Variants in PSPC1 observed in about 807,000 individuals in gnomAD.
PSPC1 encodes the protein paraspeckle protein 1.
In PSPC1, 14 loss-of-function variants were observed where a neutral mutation model predicts 51.6. The ratio of observed to expected loss-of-function variants is 0.27; its 90% CI spans 0.18 to 0.42. The LOEUF (loss-of-function observed/expected upper bound fraction) is 0.42, where lower values mean the gene tolerates loss of function less well. PSPC1 is among the 10% of genes least tolerant of loss of function. PSPC1 has a pLI of 1.00. For synonymous variants in PSPC1, 193 were observed against 231.9 expected, an observed-to-expected ratio of 0.83 and a Z score of 1.53; for missense variants, 406 against 701.1, an observed-to-expected ratio of 0.58 and a Z score of 4.75.
At chr13:19,725,627 CAA>C (rs34360156) in intron 6 of PSPC1, among the ~76,000 whole-genome samples, 1 of 151,554 alleles carries the variant, frequency 6.6e-6, no homozygotes, top group African/African-American at 2.4e-5. Context: ...ACAAAACAAA[CAA>C]AAAAAAGTGT....
intron 6 of PSPC1, among the ~76,000 whole-genome samples, chr13:19,713,526 T>TCTC (rs1346249675): frequency 1.9e-5 from 2 of 105,492 alleles, no homozygotes; most frequent in Non-Finnish European, 3.5e-5. Flanking sequence ...TTCCAACATA[T>TCTC]CTCCATGTCC....
chr13:19,768,374 G>A lies in PSPC1; in HGVS notation c.674+3868C>T, dbSNP rs150889293. Among the ~76,000 whole-genome samples the A allele has an allele frequency of 5.0e-3, 766 of 152,236 alleles. 8 individuals are homozygous for A. Among genetic ancestry groups the A allele is most frequent in the African/African-American group, 0.018 (739 of 41,558 alleles). ...TAAAAATAACAAGCAGGGGACGGGC[G>A]TGGTGGCTCACGCCTGTAATCCCAG... On this transcript the variant is annotated intron_variant, in intron 2 of 8. Coordinates refer to ENST00000338910, the MANE Select transcript of PSPC1 (RefSeq NM_001354909.2).
Position 19,782,941 on chromosome 13 carries a change from A to C in PSPC1, c.-184T>G. The C allele has an allele frequency of 1.8e-6, 1 of 557,640 alleles. No homozygotes were observed. The allele number at this position is 557,640 out of a possible 1,614,324, so 34.5% of individuals were successfully genotyped here. A position where few individuals can be genotyped will look rare whatever the true frequency, so the allele number is the denominator to read the frequency against. ...CGCCCGCTGCAGCTGCACATTCAAA[A>C]TGGCGCTGCCACAAACTGCAGTTAG... On this transcript the variant is annotated 5_prime_UTR_variant, in exon 1 of 9. Coordinates refer to ENST00000338910, the MANE Select transcript of PSPC1 (RefSeq NM_001354909.2). This position sits in a 1 kb window ranked among gnomAD's most constrained non-coding sequence, Gnocchi z 4.5.
chr13:19,738,596 T>C (rs2138011461), intron 5 of PSPC1, among the ~76,000 whole-genome samples: 1 of 152,326 alleles, frequency 6.6e-6, no homozygotes, highest in East Asian at 1.9e-4. Flanking sequence ...AAATAGTTGT[T>C]ATACTGCACG....
intron 4 of PSPC1, among the ~76,000 whole-genome samples, chr13:19,745,464 G>A (rs536841385): frequency 6.6e-6 from 1 of 152,214 alleles, no homozygotes; most frequent in South Asian, 2.1e-4. Flanking sequence ...TAGACTGTAA[G>A]ACAGTGTTTT....
chr13:19,771,901 CCT>C (rs1235560898), intron 2 of PSPC1, among the ~76,000 whole-genome samples: 1 of 152,138 alleles, frequency 6.6e-6, no homozygotes. Flanking sequence ...CCACTGCACC[CCT>C]GAGGTGCTTT....
At chr13:19,674,448 G>T (rs1484345853), downstream of PSPC1, among the ~76,000 whole-genome samples, 1 of 152,206 alleles carries the variant, frequency 6.6e-6, no homozygotes, top group East Asian at 1.9e-4. Context: ...AAGCTCAGGT[G>T]CTACTTCTGA....
At chr13:19,732,987 G>A (rs1280690768) in intron 5 of PSPC1, among the ~76,000 whole-genome samples, 1 of 151,260 alleles carries the variant, frequency 6.6e-6, no homozygotes, top group East Asian at 1.9e-4. Flanking sequence ...CAAAGCTTCC[G>A]AATTACAAAG....
intron 6 of PSPC1, among the ~76,000 whole-genome samples, chr13:19,688,551 T>C (rs940823715): frequency 3.3e-5 from 5 of 152,222 alleles, no homozygotes; most frequent in Non-Finnish European, 7.3e-5. Flanking sequence ...CTTTTCTGCA[T>C]TGTTTCATAA....
chr13:19,687,365 G>T (rs974791445), intron 6 of PSPC1, among the ~76,000 whole-genome samples: 1 of 152,006 alleles, frequency 6.6e-6, no homozygotes, highest in African/African-American at 2.4e-5. Context: ...GCCCTGCAGG[G>T]GACACCCAAA....
At chr13:19,758,557 G>A (rs773316347) in intron 3 of PSPC1, among the ~76,000 whole-genome samples, 42 of 152,046 alleles carry the variant, frequency 2.8e-4, no homozygotes, top group Non-Finnish European at 5.4e-4. Context: ...TTCCAGCTGG[G>A]CGTGGTGGCT....
chr13:19,705,461 C>G (rs1880529266), intron 8 of PSPC1, among the ~76,000 whole-genome samples: 1 of 150,906 alleles, frequency 6.6e-6, no homozygotes, highest in African/African-American at 2.4e-5. Context: ...CCATGCACAC[C>G]AGCCTCGGCA....
chr13:19,734,692 C>T (rs1161494471), intron 5 of PSPC1, among the ~76,000 whole-genome samples: 2 of 152,098 alleles, frequency 1.3e-5, no homozygotes, highest in African/African-American at 2.4e-5. Flanking sequence ...ATCCCAGTTA[C>T]TTGGGAGGCT....
rs929483453 is a variant in PSPC1 at position 19,705,544 on chromosome 13, TTTC to T, written c.1386+115_1386+117del. On this transcript the variant is annotated intron_variant, in intron 8 of 8. Coordinates refer to ENST00000338910, the MANE Select transcript of PSPC1 (RefSeq NM_001354909.2). Reference sequence around the variant, plus strand: ...ACATCAACATATGATGTCACAAAATTTTCTTCTTCATTGGCTGCCAAAACAAAT... The same window carrying T: ...ACATCAACATATGATGTCACAAAATTTTCTTCATTGGCTGCCAAAACAAAT... The T allele has an allele frequency of 1.5e-5, 11 of 726,674 alleles. No homozygotes were observed. The African/African-American group carries it at 1.6e-4, about 11-fold the overall frequency. The allele number at this position is 726,674 out of a possible 1,614,324, so 45.0% of individuals were successfully genotyped here. A position where few individuals can be genotyped will look rare whatever the true frequency, so the allele number is the denominator to read the frequency against.
At chr13:19,778,275 G>A (rs535253720) in intron 1 of PSPC1, among the ~76,000 whole-genome samples, 12 of 142,366 alleles carry the variant, frequency 8.4e-5, no homozygotes, top group Admixed American at 2.3e-4. Flanking sequence ...AAAGGTTTTA[G>A]AAGATTAATT....
downstream of PSPC1, chr13:19,673,054 CAAAAA>C: frequency 5.1e-6 from 2 of 394,680 alleles, no homozygotes; most frequent in Middle Eastern, 4.5e-4. Context: ...GACCTTGTCT[CAAAAA>C]AAAAAAAAAG....
Position 19,758,096 on chromosome 13 carries a change from C to T in PSPC1, c.770+1227G>A, listed in dbSNP as rs9578210. The stretch of plus-strand genomic sequence containing the variant: ...TTGGGAGGCCGAGGTGGGTGGATCA[C>T]GAGGTCAGGAGATCGAGACCATCCT... On this transcript the variant is annotated intron_variant, in intron 3 of 8. Coordinates refer to ENST00000338910, the MANE Select transcript of PSPC1 (RefSeq NM_001354909.2). Among the ~76,000 whole-genome samples the T allele has an allele frequency of 4.3e-3, 650 of 151,992 alleles. 4 individuals are homozygous for T. Among genetic ancestry groups the T allele is most frequent in the African/African-American group, 0.015 (607 of 41,460 alleles).
At chr13:19,676,940 T>C (rs1876700353) in intron 7 of PSPC1, among the ~76,000 whole-genome samples, 1 of 152,094 alleles carries the variant, frequency 6.6e-6, no homozygotes, top group African/African-American at 2.4e-5. Context: ...ATTTTTAAGA[T>C]TACATATTTT....
chr13:19,774,294 T>C (rs1888888107), intron 1 of PSPC1, among the ~76,000 whole-genome samples: 1 of 152,222 alleles, frequency 6.6e-6, no homozygotes, highest in Admixed American at 6.6e-5. Context: ...TATGTATATG[T>C]AAGAAGAATA....
Sources: allele counts gnomAD v4.1 joint callset (sites outside exome capture counted in the v4.1 genomes callset), GRCh38; gene constraint gnomAD v4.1.1; non-coding constraint Gnocchi (gnomAD v3.1); transcripts MANE v1.5; gene names NCBI Gene and HGNC (gene_info 2026-07-23, HGNC 2026-07-21).